Variants in TRPC7 observed in about 807,000 individuals in gnomAD.
The protein encoded by TRPC7 is transient receptor potential cation channel subfamily C member 7, also known as short transient receptor potential channel 7.
In TRPC7, 42 loss-of-function variants were observed where a neutral mutation model predicts 90.1. The ratio of observed to expected loss-of-function variants is 0.47; its 90% confidence interval spans 0.36 to 0.60. The LOEUF (loss-of-function observed/expected upper bound fraction) is 0.60, where lower values mean the gene tolerates loss of function less well. Ranked by LOEUF, TRPC7 falls within the 20% of genes least tolerant of loss-of-function variation. TRPC7 has a pLI of 0.00. For missense variants in TRPC7, 955 were observed against 1,112.3 expected (o/e 0.86, Z 2.01); for synonymous variants, 451 against 436.3 (o/e 1.03, Z -0.42).
intron 3 of TRPC7, among the ~76,000 whole-genome samples, chr5:136,292,343 A>G (rs1300183190): frequency 6.6e-5 from 10 of 152,198 alleles, no homozygotes; most frequent in African/African-American, 4.8e-5. Flanking sequence ...AAAAAAATCA[A>G]TGAATCCAGG....
intron 3 of TRPC7, among the ~76,000 whole-genome samples, chr5:136,298,775 G>A: frequency 6.6e-6 from 1 of 152,244 alleles, no homozygotes; most frequent in East Asian, 1.9e-4. Context: ...ACCTTCTTCT[G>A]CCCCATCCTG....
At chr5:136,301,944 C>T (rs1158188025) in intron 3 of TRPC7, among the ~76,000 whole-genome samples, 2 of 152,334 alleles carry the variant, frequency 1.3e-5, no homozygotes, top group South Asian at 2.1e-4. Flanking sequence ...GTCCTCACAC[C>T]GACCAGCCCA....
At chr5:136,353,162 C>T (rs1760255426) in intron 2 of TRPC7, among the ~76,000 whole-genome samples, 1 of 152,132 alleles carries the variant, frequency 6.6e-6, no homozygotes, top group Non-Finnish European at 1.5e-5. Flanking sequence ...GATTTCCACA[C>T]CAAAAATAAT....
intron 2 of TRPC7, among the ~76,000 whole-genome samples, chr5:136,347,095 G>A (rs1011373158): frequency 1.3e-5 from 2 of 152,166 alleles, no homozygotes; most frequent in Admixed American, 6.5e-5. Context: ...CAGAAACTAG[G>A]AAGAGACAAG....
rs78115082 is a variant in TRPC7, at chr5:136,363,771, G to T, written c.2+1482C>A. Reference sequence around the variant, plus strand: ...AAGTTATCCTCAGTTTTTTCAAACTGTCCTAGGTACCACCTATCCAAATAT... The same window carrying T: ...AAGTTATCCTCAGTTTTTTCAAACTTTCCTAGGTACCACCTATCCAAATAT... On this transcript the variant is annotated intron_variant, in intron 1 of 11. Transcript: ENST00000513104. Among the ~76,000 whole-genome samples the T allele has an allele frequency of 1.5e-3, 228 of 152,158 alleles. 7 individuals carry two copies. The East Asian group carries it at 0.043, about 29-fold the overall frequency.
intron 3 of TRPC7, among the ~76,000 whole-genome samples, chr5:136,313,624 C>A (rs1012335171): frequency 1.3e-5 from 2 of 152,162 alleles, no homozygotes; most frequent in African/African-American, 4.8e-5. Flanking sequence ...TCAAGGAGAG[C>A]TATGAGTCTG....
At position 136,255,778 on chromosome 5, in the gene TRPC7, T is replaced by A. The variant is rs555456054; in HGVS notation, c.1346-3896A>T. 2.0e-3 allele frequency among the ~76,000 whole-genome samples: 308 copies of A among 152,356 alleles called. 1 individual carries two copies. Among genetic ancestry groups the A allele is most frequent in the African/African-American group, 6.8e-3 (281 of 41,582 alleles). ...CAATCCTATAAAGTACGTTCTGTTA[T>A]TATCCTATTTTTACAGCTAATGAGA... On this transcript the variant is annotated intron_variant, in intron 5 of 11. Coordinates refer to ENST00000513104, the MANE Select transcript of TRPC7 (RefSeq NM_020389.3).
chr5:136,299,276 C>T (rs886162938), intron 3 of TRPC7, among the ~76,000 whole-genome samples: 20 of 148,402 alleles, frequency 1.3e-4, no homozygotes, highest in Non-Finnish European at 1.6e-4. Flanking sequence ...ACTTCAGCCT[C>T]GCAACAAGAG....
At chr5:136,225,940 G>T in intron 9 of TRPC7, 94 bp downstream of exon 9, 2 of 1,050,410 alleles carry the variant, frequency 1.9e-6, no homozygotes, top group Non-Finnish European at 1.4e-6. Flanking sequence ...CTTGCATGGG[G>T]TGGGGGAGGG....
intron 3 of TRPC7, among the ~76,000 whole-genome samples, 182 bp downstream of exon 3, chr5:136,315,415 G>A (rs1758977786): frequency 6.6e-6 from 1 of 152,152 alleles, no homozygotes; most frequent in Admixed American, 6.5e-5. Flanking sequence ...GAGGTGGGAA[G>A]GGATGGTGGA....
intron 2 of TRPC7, among the ~76,000 whole-genome samples, chr5:136,323,714 C>T (rs1334736442): frequency 1.3e-5 from 2 of 152,208 alleles, no homozygotes; most frequent in African/African-American, 4.8e-5. Context: ...CTAATTCCCA[C>T]TGTCTTTATT....
intron 8 of TRPC7, chr5:136,226,496 TTAACCGCCC>T: frequency 1.9e-6 from 1 of 538,300 alleles, no homozygotes; most frequent in Admixed American, 3.5e-5. Context: ...CCAGTTCATA[TTAACCGCCC>T]CTACCCTCCA....
chr5:136,343,273 C>G (rs1759900059), intron 2 of TRPC7, among the ~76,000 whole-genome samples: 1 of 152,044 alleles, frequency 6.6e-6, no homozygotes, highest in African/African-American at 2.4e-5. Flanking sequence ...GAATGACAGA[C>G]AAATATAACT....
At chr5:136,330,966 G>A (rs1450484358) in intron 2 of TRPC7, among the ~76,000 whole-genome samples, 1 of 152,194 alleles carries the variant, frequency 6.6e-6, no homozygotes, top group Admixed American at 6.5e-5. Flanking sequence ...TTATGGGAAT[G>A]GGTGGGTAAG....
At chr5:136,288,618 A>C (rs1289987624) in intron 3 of TRPC7, among the ~76,000 whole-genome samples, 3 of 152,176 alleles carry the variant, frequency 2.0e-5, no homozygotes, top group African/African-American at 4.8e-5. Flanking sequence ...AAGCAAAGTT[A>C]AACAATTTGC....
At chr5:136,272,568 C>T (rs1020354181) in intron 4 of TRPC7, among the ~76,000 whole-genome samples, 2 of 152,108 alleles carry the variant, frequency 1.3e-5, no homozygotes, top group Admixed American at 6.5e-5. Flanking sequence ...ACTGAGTTAT[C>T]GACATGCCCT....
intron 10 of TRPC7, among the ~76,000 whole-genome samples, chr5:136,217,520 C>T (rs1405267613): frequency 6.6e-6 from 1 of 152,202 alleles, no homozygotes; most frequent in Non-Finnish European, 1.5e-5. Flanking sequence ...TGCCCCTCCT[C>T]AGCCCTCGGG....
chr5:136,233,733 T>G (rs574452697), intron 7 of TRPC7, among the ~76,000 whole-genome samples: 1 of 152,332 alleles, frequency 6.6e-6, no homozygotes, highest in South Asian at 2.1e-4. Flanking sequence ...CTTTCTTACC[T>G]TGGAACAACC....
intron 4 of TRPC7, among the ~76,000 whole-genome samples, chr5:136,272,153 G>A (rs1157666172): frequency 6.6e-6 from 1 of 152,188 alleles, no homozygotes; most frequent in East Asian, 1.9e-4. Context: ...TCAGAAAGAG[G>A]TGTAATAATG....
Sources: allele counts gnomAD v4.1 joint callset (sites outside exome capture counted in the v4.1 genomes callset), GRCh38; gene constraint gnomAD v4.1.1; transcripts MANE v1.5; gene names NCBI Gene and HGNC (gene_info 2026-07-23, HGNC 2026-07-21).